Variants in SDK1 observed in about 807,000 individuals in gnomAD.
The protein encoded by SDK1 is protein sidekick-1.
A neutral mutation model predicts 245.5 loss-of-function variants in SDK1; 157 were observed. The ratio of observed to expected loss-of-function variants is 0.64; its 90% CI spans 0.56 to 0.73. The LOEUF is 0.73. Ranked by LOEUF, SDK1 falls within the 30% of genes least tolerant of loss-of-function variation. The pLI, the probability that SDK1 is intolerant of heterozygous loss-of-function variation, is 0.00. For synonymous variants in SDK1, 1,647 were observed against 1,278.5 expected (o/e 1.29, Z -6.15); for missense variants, 3,583 against 3,002.3 (o/e 1.19, Z -4.52).
chr7:3,854,926 GAGC>G (rs1780507712), intron 5 of SDK1, among the ~76,000 whole-genome samples: 1 of 152,184 alleles, frequency 6.6e-6, no homozygotes, highest in South Asian at 2.1e-4. Flanking sequence ...GAGACACTGA[GAGC>G]AGGGTGGACC....
At chr7:3,468,645 A>G (rs1583903658) in intron 1 of SDK1, among the ~76,000 whole-genome samples, 1 of 97,770 alleles carries the variant, frequency 1.0e-5, no homozygotes, top group African/African-American at 8.0e-5. Context: ...AGGAAGGAGT[A>G]TTGAATACAT....
At chr7:3,665,940 C>T (rs1458620905) in intron 4 of SDK1, among the ~76,000 whole-genome samples, 1 of 152,012 alleles carries the variant, frequency 6.6e-6, no homozygotes, top group Non-Finnish European at 1.5e-5. Context: ...CACCTTCTAC[C>T]ATCTTCCCAC....
intron 2 of SDK1, among the ~76,000 whole-genome samples, chr7:3,621,539 C>T (rs760154527): frequency 2.0e-4 from 30 of 152,236 alleles, no homozygotes; most frequent in Non-Finnish European, 1.5e-4. Flanking sequence ...CCAGGCTACA[C>T]GCCTTGGATG....
chr7:3,556,298 C>T (rs1779586147), intron 1 of SDK1, among the ~76,000 whole-genome samples: 1 of 152,066 alleles, frequency 6.6e-6, no homozygotes, highest in African/African-American at 2.4e-5. Context: ...GTAGGTCAAG[C>T]ACAGAAGGAC....
intron 44 of SDK1, among the ~76,000 whole-genome samples, chr7:4,263,366 G>A (rs192103656): frequency 0.012 from 1,839 of 151,456 alleles, 16 homozygotes; most frequent in Non-Finnish European, 0.019. Flanking sequence ...GGGAGGCTGC[G>A]TAGACCTCTG....
chr7:3,775,763 AGACGGGG>A (rs1780538932), intron 4 of SDK1, among the ~76,000 whole-genome samples: 1 of 151,808 alleles, frequency 6.6e-6, no homozygotes, highest in Non-Finnish European at 1.5e-5. Context: ...TTTTTAGTAG[AGACGGGG>A]TTTCACCTTG....
chr7:3,464,625 T>G (rs1780934525), intron 1 of SDK1, among the ~76,000 whole-genome samples: 1 of 151,764 alleles, frequency 6.6e-6, no homozygotes, highest in South Asian at 2.1e-4. Flanking sequence ...AAGTCAACAT[T>G]TAAAACAAGG....
At chr7:4,138,179 T>A (rs759006673) in intron 28 of SDK1, among the ~76,000 whole-genome samples, 4 of 152,188 alleles carry the variant, frequency 2.6e-5, no homozygotes, top group Non-Finnish European at 5.9e-5. Flanking sequence ...AGGGATGCCG[T>A]CGTGCTTTGC....
rs76627405 is a variant in SDK1, at chr7:3,744,196, C to T, written c.714-77254C>T. Among the ~76,000 whole-genome samples the T allele has an allele frequency of 2.6e-5, 4 of 152,160 alleles. No individual in the cohort carries two copies. The East Asian group carries it at 7.8e-4, about 30-fold the overall frequency. ...CTTTATTTAGTTGGTTTCTCAAATG[C>T]CATCTCCCAAGAAAGGTCCTCTTCA... On this transcript the variant is annotated intron_variant, in intron 4 of 44. Coordinates refer to ENST00000404826, the MANE Select transcript of SDK1 (RefSeq NM_152744.4).
intron 5 of SDK1, among the ~76,000 whole-genome samples, chr7:3,845,654 C>T (rs1027820936): frequency 1.3e-5 from 2 of 151,510 alleles, no homozygotes; most frequent in Admixed American, 6.6e-5. Context: ...AGTGGGCTCC[C>T]TTTAGCATTC....
At chr7:4,131,805 G>T (rs1488376734) in intron 27 of SDK1, among the ~76,000 whole-genome samples, 3 of 150,800 alleles carry the variant, frequency 2.0e-5, no homozygotes, top group African/African-American at 7.3e-5. Flanking sequence ...TGATGCAGGA[G>T]AGAGGTGGCA....
intron 25 of SDK1, among the ~76,000 whole-genome samples, chr7:4,116,350 G>A (rs1783708993): frequency 6.6e-6 from 1 of 152,188 alleles, no homozygotes; most frequent in Non-Finnish European, 1.5e-5. Flanking sequence ...GGGGTGAGGA[G>A]TCTGCACCCT....
intron 17 of SDK1, among the ~76,000 whole-genome samples, chr7:4,019,817 C>A (rs1206048991): frequency 6.6e-6 from 1 of 152,152 alleles, no homozygotes; most frequent in Non-Finnish European, 1.5e-5. Flanking sequence ...TTCATGTCTT[C>A]TGCCTCGGCA....
intron 1 of SDK1, among the ~76,000 whole-genome samples, chr7:3,488,904 CGTGT>C (rs59773114): frequency 0.22 from 32,675 of 146,988 alleles, 3,729 homozygotes; most frequent in East Asian, 0.33. Context: ...TTCCTCCCTC[CGTGT>C]GTGTGTGTGT....
intron 22 of SDK1, among the ~76,000 whole-genome samples, chr7:4,103,460 C>T (rs955859126): frequency 2.0e-5 from 3 of 152,032 alleles, no homozygotes; most frequent in Non-Finnish European, 4.4e-5. Context: ...GAACTCCTGT[C>T]TCTCACGAAA....
intron 1 of SDK1, among the ~76,000 whole-genome samples, chr7:3,495,607 T>C (rs979810297): frequency 3.9e-5 from 6 of 152,306 alleles, no homozygotes; most frequent in East Asian, 1.9e-4. Flanking sequence ...CTTTGCAACA[T>C]TGATGAAATT....
intron 14 of SDK1, among the ~76,000 whole-genome samples, chr7:4,009,310 T>C (rs1246347776): frequency 6.6e-6 from 1 of 152,250 alleles, no homozygotes; most frequent in African/African-American, 2.4e-5. Context: ...CCCTGCCTTC[T>C]ACCAACCGAG....
intron 13 of SDK1, among the ~76,000 whole-genome samples, chr7:3,978,126 G>A (rs149738408): frequency 8.1e-4 from 123 of 152,086 alleles, no homozygotes; most frequent in African/African-American, 2.9e-3. Flanking sequence ...GGAGGATATG[G>A]CCAGTGAGTT....
chr7:3,975,888 C>A (rs534072724), intron 13 of SDK1, among the ~76,000 whole-genome samples: 11 of 152,350 alleles, frequency 7.2e-5, no homozygotes, highest in African/African-American at 2.4e-4. Flanking sequence ...CCTGGTGCTG[C>A]AGCTGCAAAG....
Sources: allele counts gnomAD v4.1 joint callset (sites outside exome capture counted in the v4.1 genomes callset), GRCh38; gene constraint gnomAD v4.1.1; transcripts MANE v1.5; gene names NCBI Gene and HGNC (gene_info 2026-07-23, HGNC 2026-07-21).